The following SUCLA2 variants were observed in gnomAD, a reference collection of about 807,000 sequenced individuals.
SUCLA2 encodes succinate-CoA ligase ADP-forming subunit beta.
In SUCLA2, 30 loss-of-function variants were observed where a neutral mutation model predicts 54.8. The ratio of observed to expected loss-of-function variants is 0.55; its 90% CI spans 0.41 to 0.74. SUCLA2 has a LOEUF of 0.74. Ranked by LOEUF, SUCLA2 falls within the 30% of genes least tolerant of loss-of-function variation. SUCLA2 has a pLI of 0.00. For missense variants in SUCLA2, 476 were observed against 562.9 expected (o/e 0.85, Z 1.56); for synonymous variants, 172 against 188.9 (o/e 0.91, Z 0.74).
chr13:47,990,206 G>A (rs149784855), intron 2 of SUCLA2, among the ~76,000 whole-genome samples: 13 of 152,298 alleles, frequency 8.5e-5, no homozygotes, highest in African/African-American at 3.1e-4. Flanking sequence ...AAATTAGCCA[G>A]GCATGGTGGT....
intron 2 of SUCLA2, among the ~76,000 whole-genome samples, chr13:47,991,147 G>A (rs747385120): frequency 3.3e-5 from 5 of 152,188 alleles, no homozygotes; most frequent in African/African-American, 7.2e-5. Context: ...TCTCAAGGCA[G>A]CAGCCAAAGC....
chr13:47,958,631 T>C (rs1407571726), intron 6 of SUCLA2, among the ~76,000 whole-genome samples: 4 of 152,220 alleles, frequency 2.6e-5, no homozygotes, highest in African/African-American at 7.2e-5. Flanking sequence ...GGGTTTGGCA[T>C]AGAAGGTTAT....
At chr13:47,988,182 T>C (rs1359790518) in intron 4 of SUCLA2, 4 of 266,040 alleles carry the variant, frequency 1.5e-5, no homozygotes, top group Non-Finnish European at 2.8e-5. Context: ...ATTCTTCTAG[T>C]GGGTTCAGCA....
chr13:47,997,902 C>T (rs968020794), intron 1 of SUCLA2, among the ~76,000 whole-genome samples: 3 of 152,166 alleles, frequency 2.0e-5, no homozygotes, highest in African/African-American at 7.2e-5. Flanking sequence ...CTCAACTGCA[C>T]TATTAGAATC....
chr13:47,973,595 A>T (rs1341138495), intron 4 of SUCLA2, among the ~76,000 whole-genome samples: 1 of 152,198 alleles, frequency 6.6e-6, no homozygotes, highest in Non-Finnish European at 1.5e-5. Context: ...ATAAAAAAGT[A>T]AAAAAAGAAG....
chr13:47,954,543 C>T lies in SUCLA2; in HGVS notation c.817G>A (p.Ala273Thr), dbSNP rs886050262. 1.2e-6 allele frequency: 2 copies of T among 1,613,686 alleles called. No individual in the cohort carries two copies. The highest frequency in any genetic ancestry group is 1.7e-4 in the Middle Eastern group (1 of 6,056). Residue 273 changes from alanine (A) to threonine (T), a missense_variant, in exon 7 of 11, where the codon GCA becomes ACA. By Grantham distance (58) the Ala-to-Thr change is moderately conservative. This residue lies in a region of SUCLA2 where 342 missense variants were observed against 444.2 expected (regional missense o/e 0.77). Coordinates refer to ENST00000646932, the MANE Select transcript of SUCLA2 (RefSeq NM_003850.3). ...DSDGAVLCMD[A>T]KINFDSNSAY... is the part of the protein sequence containing the mutation. ...GAATTAGAGTCAAAATTGATCTTTGCATCCATACACAATACTTTGAAGGGA... is the reference window on the plus strand; with the variant it reads ...GAATTAGAGTCAAAATTGATCTTTGTATCCATACACAATACTTTGAAGGGA...
intron 2 of SUCLA2, among the ~76,000 whole-genome samples, chr13:47,993,046 C>T (rs534202309): frequency 6.6e-6 from 1 of 152,258 alleles, no homozygotes; most frequent in East Asian, 1.9e-4. Context: ...GCCTGGGCAA[C>T]ATGGTGAAAC....
Position 47,954,200 on chromosome 13 carries a change from A to G in SUCLA2, c.1047T>C (p.Gly349=), listed in dbSNP as rs1949799639. The change falls in exon 8 of 11, where the codon GGT becomes GGC. Residue 349 remains glycine (G), a synonymous_variant. Transcript: ENST00000646932. The part of the protein sequence containing the change: ...GGTPANFLDV[G]GGATVHQVTE... The stretch of plus-strand genomic sequence containing the variant: ...TTACTTGATGGACTGTAGCACCACC[A>G]CCAACATCAAGGAAGTTGGCTGGAG... 6.2e-7 allele frequency: 1 copy of G among 1,613,808 alleles called. No homozygotes were observed. Among genetic ancestry groups the G allele is most frequent in the African/African-American group, 1.3e-5 (1 of 74,916 alleles).
At chr13:47,979,895 CA>C (rs938372960) in intron 4 of SUCLA2, among the ~76,000 whole-genome samples, 2 of 151,474 alleles carry the variant, frequency 1.3e-5, no homozygotes, top group Non-Finnish European at 2.9e-5. Flanking sequence ...TGCACACACA[CA>C]AAAAAAACTC....
intron 4 of SUCLA2, among the ~76,000 whole-genome samples, chr13:47,978,678 T>G (rs901999226): frequency 1.3e-5 from 2 of 152,118 alleles, no homozygotes. Flanking sequence ...GAGATCTAAT[T>G]AAACTAAAGA....
At chr13:47,956,827 A>G (rs1477178486) in intron 6 of SUCLA2, 1 of 152,244 alleles carries the variant, frequency 6.6e-6, no homozygotes, top group African/African-American at 2.4e-5. Context: ...CAACAACAAA[A>G]AAATCAACCT....
rs1440020678 is a variant in SUCLA2 at position 47,943,000 on chromosome 13, T to C, written c.*371A>G. The C allele has an allele frequency of 1.2e-5, 3 of 242,604 alleles. No homozygotes were observed. The highest frequency in any genetic ancestry group is 1.6e-3 in the Middle Eastern group (1 of 638). The allele number at this position is 242,604 out of a possible 1,614,324, so 15.0% of individuals were successfully genotyped here. On this transcript the variant is annotated 3_prime_UTR_variant, in exon 11 of 11. Transcript: ENST00000646932. ...TCTACTAATGAGGCTAGTTATTAGA[T>C]ATACTGTATTTTAACACTAAAGAAT...
In SUCLA2 at chr13:47,966,900, G is replaced by T. The variant is rs188494585; in HGVS notation, c.802+1695C>A. Among the ~76,000 whole-genome samples the T allele has an allele frequency of 1.5e-3, 234 of 152,164 alleles. 1 individual carries two copies. The highest frequency in any genetic ancestry group is 5.0e-3 in the African/African-American group (209 of 41,516). On this transcript the variant is annotated intron_variant, in intron 6 of 10. Transcript: ENST00000646932. ...GGCATGGTGGTGGCATGGGCCTGTA[G>T]TCCCAGCTACTCAAGAGGCTGAAGA...
At chr13:48,001,023 G>A in intron 1 of SUCLA2, 157 bp downstream of exon 1, 1 of 1,477,712 alleles carries the variant, frequency 6.8e-7, no homozygotes, top group Non-Finnish European at 9.0e-7. Flanking sequence ...CGTAGTCCTG[G>A]CGAGCAGCAC....
At chr13:47,979,837 T>C (rs1950046990) in intron 4 of SUCLA2, among the ~76,000 whole-genome samples, 1 of 152,196 alleles carries the variant, frequency 6.6e-6, no homozygotes, top group African/African-American at 2.4e-5. Flanking sequence ...GGTAAAATTC[T>C]GTGTTTGCAG....
chr13:47,992,578 T>G (rs1189874372), intron 2 of SUCLA2, among the ~76,000 whole-genome samples: 1 of 152,178 alleles, frequency 6.6e-6, no homozygotes, highest in Non-Finnish European at 1.5e-5. Flanking sequence ...CAACAGTGAG[T>G]GAGACCTCTC....
intron 6 of SUCLA2, among the ~76,000 whole-genome samples, chr13:47,957,324 G>A (rs1949829413): frequency 6.6e-6 from 1 of 152,170 alleles, no homozygotes; most frequent in African/African-American, 2.4e-5. Flanking sequence ...GGCTTTCTGT[G>A]TGGCGAGCAG....
Position 47,964,628 on chromosome 13 carries a change from C to G in SUCLA2, c.802+3967G>C, listed in dbSNP as rs573609501. On this transcript the variant is annotated intron_variant, in intron 6 of 10. Transcript: ENST00000646932. ...ATCCCAGCACTTTGGGAGGCCAAGG[C>G]GGGCGGATCACAAGGCCAGGAGATC... Among the ~76,000 whole-genome samples, 5 of 152,234 alleles carry G rather than the reference C, an allele frequency of 3.3e-5. No homozygotes were observed. In the East Asian group the frequency reaches 9.7e-4, roughly 29 times the overall value.
intron 10 of SUCLA2, among the ~76,000 whole-genome samples, chr13:47,946,592 T>A (rs7996168): frequency 0.6 from 87,056 of 146,180 alleles, 26,285 homozygotes; most frequent in East Asian, 0.75. Context: ...TTTTTTTTTT[T>A]TAAAAAAAGC....
Sources: gnomAD v4.1 joint callset for allele counts (sites outside exome capture counted in the v4.1 genomes callset) on GRCh38, gnomAD v4.1.1 for gene constraint, gnomAD v4.1.1 regional missense constraint, MANE v1.5 for transcripts, NCBI Gene and HGNC (gene_info 2026-07-23, HGNC 2026-07-21) for gene names.